ZNF394: variants seen among roughly 807,000 people sequenced by gnomAD.
ZNF394 encodes the protein zinc finger protein 99.
ZNF394 carries 19 observed loss-of-function variants against 21.8 expected under a neutral mutation model. That is an observed-to-expected ratio of 0.87 (90% CI 0.61 to 1.28). The LOEUF is 1.28. ZNF394 is among the 50% of genes most tolerant of loss of function. The pLI, the probability that ZNF394 is intolerant of heterozygous loss-of-function variation, is 0.00. For synonymous variants in ZNF394, 294 were observed against 273.3 expected (o/e 1.08, Z -0.75); for missense variants, 683 against 708.6 (o/e 0.96, Z 0.41).
chr7:99,497,112 G>GTA (rs1189029640), intron 2 of ZNF394, among the ~76,000 whole-genome samples: 6 of 117,370 alleles, frequency 5.1e-5, no homozygotes, highest in African/African-American at 2.8e-4. Flanking sequence ...GTGTGTGTGT[G>GTA]TGTGTGTGTG....
At position 99,493,648 on chromosome 7, in the gene ZNF394, T is replaced by C. The variant is rs1800212874; in HGVS notation, c.1567A>G (p.Lys523Glu). 6.2e-7 allele frequency: 1 copy of C among 1,614,114 alleles called. No individual in the cohort carries two copies. Among genetic ancestry groups the C allele is most frequent in the Admixed American group, 1.7e-5 (1 of 59,992 alleles). The change falls in exon 3 of 3, where the codon AAG becomes GAG. Residue 523 changes from lysine (K) to glutamate (E), a missense_variant. By Grantham distance (56) the Lys-to-Glu change is moderately conservative. This residue lies in a region of ZNF394 where 274 missense variants were observed against 314.1 expected (regional missense o/e 0.87). Transcript: ENST00000337673. ...CCACATTCAAGACATTTGTAAGGCTTTTCCCCAGTGTGAATTCTCTGGTGT... is the reference window on the plus strand; with the variant it reads ...CCACATTCAAGACATTTGTAAGGCTCTTCCCCAGTGTGAATTCTCTGGTGT... Reference protein sequence around the residue: ...IKHQRIHTGEKPYKCLECGER... With the variant: ...IKHQRIHTGEEPYKCLECGER...
chr7:99,489,467 G>A (rs1457118809), downstream of ZNF394, among the ~76,000 whole-genome samples: 2 of 152,002 alleles, frequency 1.3e-5, no homozygotes, highest in East Asian at 3.9e-4. Flanking sequence ...ATGGGAATTT[G>A]ATAAACACCA....
chr7:99,497,013 C>T (rs1800335939), intron 2 of ZNF394, among the ~76,000 whole-genome samples: 1 of 149,288 alleles, frequency 6.7e-6, no homozygotes, highest in Admixed American at 6.7e-5. Context: ...TCCAAGTCCC[C>T]CAGTGATGCC....
In ZNF394 at chr7:99,494,227, T is replaced by A; in HGVS notation, c.988A>T (p.Lys330Ter). 6.2e-7 allele frequency: 1 copy of A among 1,614,274 alleles called. No homozygotes were observed. The highest frequency in any genetic ancestry group is 8.5e-7 in the Non-Finnish European group (1 of 1,180,058). The stretch of plus-strand genomic sequence containing the variant: ...TCTCCACTGTCAGACTTGTGAGGTT[T>A]CAGCACGTGCCACGTCACCATGTGG... ...SFHMVTWHVLKPHKSDSGDSF... is the reference protein window; with the variant it reads ...SFHMVTWHVL The change falls in exon 3 of 3, where the codon AAA (lysine) becomes TAA (stop). Residue 330 changes from lysine (K) to a stop codon, truncating the protein, a stop_gained. Coordinates refer to ENST00000337673, the MANE Select transcript of ZNF394 (RefSeq NM_032164.4). LOFTEE classifies it low-confidence loss of function (END_TRUNC).
intron 1 of ZNF394, chr7:99,487,005 T>A: frequency 6.2e-7 from 1 of 1,614,082 alleles, no homozygotes; most frequent in East Asian, 2.2e-5. Flanking sequence ...GTGGAAAGTG[T>A]TTTCGGCAGC....
downstream of ZNF394, among the ~76,000 whole-genome samples, chr7:99,490,549 T>G (rs996053720): frequency 1.3e-5 from 2 of 151,480 alleles, no homozygotes. Flanking sequence ...AAGGATCGCT[T>G]AAGCCCAGGA....
chr7:99,490,329 A>G (rs961610516), downstream of ZNF394, among the ~76,000 whole-genome samples: 2 of 151,156 alleles, frequency 1.3e-5, no homozygotes, highest in Non-Finnish European at 2.9e-5. Flanking sequence ...TAATTTTTGT[A>G]TTTTCAGTAG....
At chr7:99,497,108 GTGTGT>G (rs1439414205) in intron 2 of ZNF394, among the ~76,000 whole-genome samples, 13 of 119,264 alleles carry the variant, frequency 1.1e-4, no homozygotes, top group African/African-American at 5.3e-4. Context: ...GTGTGTGTGT[GTGTGT>G]GTGTGTGTGT....
At chr7:99,498,462 T>C (rs757288112) in intron 2 of ZNF394, 8 of 369,242 alleles carry the variant, frequency 2.2e-5, no homozygotes, top group Non-Finnish European at 3.5e-5. Flanking sequence ...TCTGATAAAC[T>C]TGGGTGGTAG....
chr7:99,491,330 C>A (rs965535379), downstream of ZNF394, among the ~76,000 whole-genome samples: 1 of 152,096 alleles, frequency 6.6e-6, no homozygotes, highest in African/African-American at 2.4e-5. Flanking sequence ...GCTCCCCAAA[C>A]CTTGGAGAAT....
At chr7:99,497,092 G>T (rs1260964094) in intron 2 of ZNF394, among the ~76,000 whole-genome samples, 1 of 53,768 alleles carries the variant, frequency 1.9e-5, no homozygotes, top group Non-Finnish European at 3.4e-5. Context: ...ACATACGTGT[G>T]TGTGTGTGTG....
At chr7:99,497,638 A>C (rs1297569594) in intron 2 of ZNF394, among the ~76,000 whole-genome samples, 1 of 151,968 alleles carries the variant, frequency 6.6e-6, no homozygotes, top group East Asian at 1.9e-4. Context: ...CTGAGGCAGG[A>C]GGATCACCTG....
chr7:99,494,404 T>C lies in ZNF394; in HGVS notation c.811A>G (p.Asn271Asp). ...AEGLNSISDV[N>D]KNGSIEGEDS... ...TCCCCTTCTATGGAACCATTCTTAT[T>C]GACATCTGAGATGCTGTTGAGTCCT... Residue 271 changes from asparagine to aspartate, a missense_variant, in exon 3 of 3, where the codon AAT becomes GAT. This residue lies in a region of ZNF394 where 402 missense variants were observed against 373.8 expected (regional missense o/e 1.08). Transcript: ENST00000337673. 6.2e-7 allele frequency: 1 copy of C among 1,614,212 alleles called. No individual in the cohort carries two copies. The highest frequency in any genetic ancestry group is 8.5e-7 in the Non-Finnish European group (1 of 1,180,048).
At position 99,495,485 on chromosome 7, in the gene ZNF394, G is replaced by T. The variant is rs187897555; in HGVS notation, c.584-854C>A. ...TTACAGGCACCCACCACCACACCCG[G>T]CTAATTTTTTTGTATTTTTAGTGGG... On this transcript the variant is annotated intron_variant, in intron 2 of 2. Transcript: ENST00000337673. Among the ~76,000 whole-genome samples the T allele has an allele frequency of 1.1e-4, 17 of 151,442 alleles. No individual in the cohort carries two copies. The East Asian group carries it at 2.7e-3, about 24-fold the overall frequency.
At chr7:99,486,615 T>A (rs139744911) in exon 2 of ZNF394, 1 of 1,614,074 alleles carries the variant, frequency 6.2e-7, no homozygotes, top group Non-Finnish European at 8.5e-7. Context: ...GTAAAGAATT[T>A]GTGGACAGTT....
Position 99,494,334 on chromosome 7 carries a change from T to C in ZNF394, c.881A>G (p.Asn294Ser). ...CGGGATGTGCTGACATAGAACAAGG[T>C]TGGAACACCTGGCACTGTTCTGCAA... The part of the protein sequence containing the change: ...NELQNSARCS[N>S]LVLCQHIPKA... The change falls in exon 3 of 3, where the codon AAC becomes AGC. Residue 294 changes from asparagine to serine, a missense_variant. By Grantham distance (46) the Asn-to-Ser change is conservative. Coordinates refer to ENST00000337673, the MANE Select transcript of ZNF394 (RefSeq NM_032164.4). The C allele has an allele frequency of 1.2e-6, 2 of 1,614,218 alleles. No individual in the cohort carries two copies. The highest frequency in any genetic ancestry group is 1.7e-6 in the Non-Finnish European group (2 of 1,180,048).
chr7:99,496,274 C>G (rs1025061110), intron 2 of ZNF394, among the ~76,000 whole-genome samples: 1 of 151,766 alleles, frequency 6.6e-6, no homozygotes, highest in Non-Finnish European at 1.5e-5. Flanking sequence ...CCTCGGCCTC[C>G]CAAAGTGCTA....
intron 1 of ZNF394, chr7:99,487,030 G>T: frequency 6.2e-7 from 1 of 1,614,010 alleles, no homozygotes; most frequent in South Asian, 1.1e-5. Flanking sequence ...GTATCTTGTT[G>T]AACATAAGAG....
intron 2 of ZNF394, chr7:99,498,472 G>A: frequency 2.5e-6 from 1 of 393,522 alleles, no homozygotes; most frequent in Non-Finnish European, 4.6e-6. Context: ...TTGGGTGGTA[G>A]ACACAGGGGA....
Sources: gnomAD v4.1 joint callset for allele counts (sites outside exome capture counted in the v4.1 genomes callset) on GRCh38, gnomAD v4.1.1 for gene constraint, gnomAD v4.1.1 regional missense constraint, MANE v1.5 for transcripts, NCBI Gene and HGNC (gene_info 2026-07-23, HGNC 2026-07-21) for gene names.